Variants in PHTF2 observed in about 807,000 individuals in gnomAD.
PHTF2 encodes the protein putative homeodomain transcription factor 2, also known as protein PHTF2.
Under a neutral mutation model 101.2 loss-of-function variants are expected in PHTF2, and 60 were observed. The observed-to-expected ratio is 0.59, with a 90% CI of 0.48 to 0.73. PHTF2 has a LOEUF of 0.73. Ranked by LOEUF, PHTF2 falls within the 30% of genes least tolerant of loss-of-function variation. PHTF2 has a pLI of 0.00. For missense variants in PHTF2, 747 were observed against 908.7 expected (o/e 0.82, Z 2.29); for synonymous variants, 311 against 307.3 (o/e 1.01, Z -0.13).
intron 1 of PHTF2, among the ~76,000 whole-genome samples, chr7:77,803,958 A>G (rs182415653): frequency 1.3e-5 from 2 of 152,312 alleles, no homozygotes; most frequent in Admixed American, 1.3e-4. Context: ...AGGTTTTGCT[A>G]TTGGAAATGA....
At position 77,854,777 on chromosome 7, in the gene PHTF2, A is replaced by G. The variant is rs780451423; in HGVS notation, c.90A>G (p.Val30=). 5.4e-6 allele frequency: 4 copies of G among 746,532 alleles called. No homozygotes were observed. The Admixed American group carries it at 7.1e-5, about 13-fold the overall frequency. 46.2% of individuals were successfully genotyped at this position (746,532 alleles called of 1,614,324 possible). Residue 30 remains valine, a synonymous_variant, in exon 3 of 20, where the codon GTA becomes GTG. Transcript: ENST00000416283. ...CCACCGCCCCAGGCCCACAGCAAGT[A>G]CTGCCTGGCTACTGCCAGTGTTCAC...
chr7:77,829,152 G>A (rs915826237), intron 1 of PHTF2, among the ~76,000 whole-genome samples: 6 of 152,216 alleles, frequency 3.9e-5, no homozygotes, highest in African/African-American at 1.4e-4. Flanking sequence ...TTGAACTCCA[G>A]CCTAGGTGGC....
chr7:77,937,707 T>C lies in PHTF2; in HGVS notation c.1339-3T>C. 1.6e-6 allele frequency: 2 copies of C among 1,233,684 alleles called. No homozygotes were observed. Among genetic ancestry groups the C allele is most frequent in the Non-Finnish European group, 2.2e-6 (2 of 928,150 alleles). The allele number at this position is 1,233,684 out of a possible 1,614,324, so 76.4% of individuals were successfully genotyped here. The stretch of plus-strand genomic sequence containing the variant: ...TATTTACTAATTTTTTTTTTTTTTA[T>C]AGAGTCATTTGCCCTGGCTCCATAG... On this transcript the variant is annotated splice_polypyrimidine_tract_variant and splice_region_variant and intron_variant, in intron 12 of 19. Transcript: ENST00000416283.
chr7:77,803,240 G>A (rs1222206797), intron 1 of PHTF2, among the ~76,000 whole-genome samples: 1 of 152,162 alleles, frequency 6.6e-6, no homozygotes, highest in African/African-American at 2.4e-5. Context: ...GACATTTAAT[G>A]AGAGGAAGTA....
intron 1 of PHTF2, among the ~76,000 whole-genome samples, chr7:77,819,919 G>A (rs1794141732): frequency 1.3e-5 from 2 of 152,028 alleles, no homozygotes; most frequent in Admixed American, 1.3e-4. Flanking sequence ...ATGGTGTTTT[G>A]CTCTTGTTGG....
chr7:77,890,460 T>C (rs1430172834), intron 3 of PHTF2, among the ~76,000 whole-genome samples: 1 of 152,174 alleles, frequency 6.6e-6, no homozygotes, highest in African/African-American at 2.4e-5. Flanking sequence ...AATAGTTACT[T>C]TGTAGACAAG....
chr7:77,879,721 T>A (rs1799250030), intron 3 of PHTF2, among the ~76,000 whole-genome samples: 1 of 152,226 alleles, frequency 6.6e-6, no homozygotes, highest in African/African-American at 2.4e-5. Context: ...CTAAAATTTC[T>A]TATGGTTTTG....
chr7:77,954,123 A>G (rs777082291), intron 19 of PHTF2, among the ~76,000 whole-genome samples: 11 of 152,040 alleles, frequency 7.2e-5, no homozygotes, highest in Non-Finnish European at 1.6e-4. Flanking sequence ...GGATAAGTAG[A>G]AGTATTTGGT....
chr7:77,868,257 C>T (rs773960156), intron 3 of PHTF2, among the ~76,000 whole-genome samples: 2 of 151,552 alleles, frequency 1.3e-5, no homozygotes, highest in Non-Finnish European at 2.9e-5. Context: ...GTCTTCCTGC[C>T]TTAGCCTCCC....
chr7:77,895,228 A>G (rs914086116), intron 5 of PHTF2: 2 of 444,884 alleles, frequency 4.5e-6, no homozygotes, highest in Admixed American at 2.5e-5. Context: ...ACATACATAT[A>G]TAAAACATTA....
At chr7:77,839,452 A>G (rs1795705969) in intron 1 of PHTF2, among the ~76,000 whole-genome samples, 1 of 152,214 alleles carries the variant, frequency 6.6e-6, no homozygotes, top group South Asian at 2.1e-4. Context: ...TAGTTTGATT[A>G]TTTTTAAAAG....
At chr7:77,872,462 A>G (rs923787443) in intron 3 of PHTF2, among the ~76,000 whole-genome samples, 6 of 152,200 alleles carry the variant, frequency 3.9e-5, no homozygotes, top group South Asian at 2.1e-4. Flanking sequence ...TAATTAGCCA[A>G]TGCCAGAGCT....
chr7:77,919,115 C>G (rs544097868), intron 9 of PHTF2, among the ~76,000 whole-genome samples: 1 of 152,080 alleles, frequency 6.6e-6, no homozygotes, highest in Admixed American at 6.6e-5. Flanking sequence ...TACTCTAGTG[C>G]GAGCTTTGCT....
At chr7:77,848,085 C>G (rs890833361) in intron 2 of PHTF2, among the ~76,000 whole-genome samples, 6 of 152,066 alleles carry the variant, frequency 3.9e-5, no homozygotes, top group African/African-American at 2.4e-5. Context: ...GTATATGTAC[C>G]AATTTTCTTT....
At chr7:77,932,617 A>AGTGTGTGT (rs1263484171) in intron 12 of PHTF2, among the ~76,000 whole-genome samples, 76 of 124,960 alleles carry the variant, frequency 6.1e-4, no homozygotes, top group Non-Finnish European at 9.5e-4. Context: ...AGAGAGAGAG[A>AGTGTGTGT]GAGAGTGTGT....
chr7:77,953,966 A>G (rs1259482042), intron 19 of PHTF2, 72 bp downstream of exon 18: 3 of 1,196,452 alleles, frequency 2.5e-6, no homozygotes, highest in Middle Eastern at 1.9e-4. Context: ...TTACCCTCAC[A>G]TGCACAGTAA....
At position 77,878,142 on chromosome 7, in the gene PHTF2, A is replaced by G. The variant is rs942091746; in HGVS notation, c.148-15466A>G. Among the ~76,000 whole-genome samples, 11 of 152,168 alleles carry G rather than the reference A, an allele frequency of 7.2e-5. 1 individual carries two copies. The highest frequency in any genetic ancestry group is 5.9e-4 in the Admixed American group (9 of 15,268). On this transcript the variant is annotated intron_variant, in intron 3 of 19. Coordinates refer to ENST00000416283, the Ensembl canonical transcript of PHTF2. ...AGTTGAAAAATCGCAGGGCCAGGCA[A>G]ACAGAACAAGAGAGGTTATTATTAT...
At chr7:77,893,177 T>C (rs942434362) in intron 3 of PHTF2, among the ~76,000 whole-genome samples, 9 of 152,192 alleles carry the variant, frequency 5.9e-5, no homozygotes, top group Admixed American at 1.3e-4. Context: ...GGGTTTGGTG[T>C]ATAGGTTATT....
intron 16 of PHTF2, among the ~76,000 whole-genome samples, chr7:77,944,821 A>C (rs1211233233): frequency 6.6e-6 from 1 of 152,256 alleles, no homozygotes; most frequent in Non-Finnish European, 1.5e-5. Context: ...CAAATGAAAA[A>C]TACAGTTATT....
Sources: allele counts gnomAD v4.1 joint callset (sites outside exome capture counted in the v4.1 genomes callset), GRCh38; gene constraint gnomAD v4.1.1; transcripts MANE v1.5; gene names NCBI Gene and HGNC (gene_info 2026-07-23, HGNC 2026-07-21).